The following EPM2A variants were observed in gnomAD, a reference collection of about 807,000 sequenced individuals.
EPM2A encodes the protein EPM2A glucan phosphatase, laforin, also known as laforin.
Under a neutral mutation model 26.5 loss-of-function variants are expected in EPM2A, and 21 were observed. The observed-to-expected ratio is 0.79, with a 90% CI of 0.56 to 1.14. EPM2A has a LOEUF of 1.14. Ranked by LOEUF, EPM2A falls within the 50% of genes most tolerant of loss-of-function variation. The pLI, the probability that EPM2A is intolerant of heterozygous loss-of-function variation, is 0.00. For synonymous variants in EPM2A, 217 were observed against 177.6 expected (o/e 1.22, Z -1.76); for missense variants, 458 against 440.8 (o/e 1.04, Z -0.35).
chr6:145,624,095 C>T (rs182985409), downstream of EPM2A, among the ~76,000 whole-genome samples: 38 of 152,184 alleles, frequency 2.5e-4, no homozygotes, highest in African/African-American at 7.9e-4. Context: ...CCCCTTTATT[C>T]TCAGTCTCAT....
chr6:145,541,304 G>GTGTGTGTATATACATATA (rs1289639047), intron 2 of EPM2A, among the ~76,000 whole-genome samples: 10 of 147,760 alleles, frequency 6.8e-5, no homozygotes, highest in African/African-American at 1.0e-4. Context: ...CAATTTGTGT[G>GTGTGTGTATATACATATA]TGTGTGTATA....
At chr6:145,491,958 A>G in intron 4 of EPM2A, 1 of 456,032 alleles carries the variant, frequency 2.2e-6, no homozygotes, top group Admixed American at 2.5e-5. Flanking sequence ...TGTGAGCCTT[A>G]AAATGGTGTC....
intron 4 of EPM2A, among the ~76,000 whole-genome samples, chr6:145,464,646 G>A (rs1315298611): frequency 6.6e-6 from 1 of 152,012 alleles, no homozygotes. Context: ...CCTATGAATT[G>A]TGGTAAATAA....
At chr6:145,391,127 G>A (rs1778331627) in intron 4 of EPM2A, among the ~76,000 whole-genome samples, 3 of 152,110 alleles carry the variant, frequency 2.0e-5, no homozygotes, top group Admixed American at 1.3e-4. Flanking sequence ...TAAAAACTGA[G>A]TGCCCAGCCA....
intron 4 of EPM2A, among the ~76,000 whole-genome samples, chr6:145,448,860 A>G (rs1441065865): frequency 2.6e-5 from 4 of 151,152 alleles, no homozygotes; most frequent in Admixed American, 2.0e-4. Flanking sequence ...CCTCTTTTTC[A>G]AAACATTCTC....
intron 2 of EPM2A, chr6:145,636,647 T>C (rs1025379430): frequency 2.0e-5 from 3 of 152,024 alleles, no homozygotes; most frequent in African/African-American, 7.3e-5. Flanking sequence ...AAAAAGAAGC[T>C]GGCGCAGTGG....
At position 145,419,179 on chromosome 6, in the gene EPM2A, GTCC is replaced by G. The variant is rs1241688858; in HGVS notation, c.556-35085_556-35083del. On this transcript the variant is annotated intron_variant, in intron 4 of 4. Coordinates refer to the EPM2A transcript ENST00000638717. Reference sequence around the variant, plus strand: ...ATTGCCCAAGCAAATTCTGTTAAATGTCCCCCCCCCCCGCTCCTTTCCCCAGCA... The same window carrying G: ...ATTGCCCAAGCAAATTCTGTTAAATGCCCCCCCCCGCTCCTTTCCCCAGCA... Among the ~76,000 whole-genome samples, 28 of 136,294 alleles carry G rather than the reference GTCC, an allele frequency of 2.1e-4. 2 individuals carry two copies. The highest frequency in any genetic ancestry group is 7.1e-4 in the African/African-American group (27 of 38,274). The allele number at this position is 136,294 out of a possible 152,430, so 89.4% of individuals were successfully genotyped here. A position where few individuals can be genotyped will look rare whatever the true frequency, so the allele number is the denominator to read the frequency against.
intron 1 of EPM2A, among the ~76,000 whole-genome samples, chr6:145,688,046 G>GT (rs1272628988): frequency 2.0e-5 from 3 of 151,932 alleles, no homozygotes; most frequent in Non-Finnish European, 4.4e-5. Context: ...AACCATATAA[G>GT]TTTTTTTTCA....
chr6:145,396,397 T>C (rs1176750111), intron 4 of EPM2A, among the ~76,000 whole-genome samples: 1 of 152,170 alleles, frequency 6.6e-6, no homozygotes, highest in East Asian at 1.9e-4. Context: ...AAAATTGTTC[T>C]TTAAACCCCC....
intron 1 of EPM2A, among the ~76,000 whole-genome samples, chr6:145,724,254 A>G (rs1216455945): frequency 6.6e-6 from 1 of 152,150 alleles, no homozygotes. Flanking sequence ...ACAAAAATCA[A>G]TAGATACAAA....
intron 2 of EPM2A, among the ~76,000 whole-genome samples, chr6:145,614,755 C>T (rs996702364): frequency 1.4e-4 from 21 of 152,132 alleles, no homozygotes; most frequent in Admixed American, 6.5e-5. Flanking sequence ...GTTCATGGCA[C>T]CCCAAAGCAA....
At chr6:145,706,860 A>G (rs1782251932) in intron 1 of EPM2A, among the ~76,000 whole-genome samples, 1 of 152,164 alleles carries the variant, frequency 6.6e-6, no homozygotes, top group African/African-American at 2.4e-5. Context: ...TCCAAAATTT[A>G]TGTTTAAACT....
chr6:145,414,179 C>T (rs761160662), intron 4 of EPM2A, among the ~76,000 whole-genome samples: 4 of 152,144 alleles, frequency 2.6e-5, no homozygotes, highest in Non-Finnish European at 5.9e-5. Context: ...ACAAGTACAG[C>T]CATTCCCAGT....
At chr6:145,676,530 G>T (rs767224973) in intron 2 of EPM2A, among the ~76,000 whole-genome samples, 5 of 151,912 alleles carry the variant, frequency 3.3e-5, no homozygotes, top group Non-Finnish European at 7.4e-5. Flanking sequence ...TAGGCTGCTA[G>T]CAAGACAAAT....
At chr6:145,544,116 A>C (rs1196914024) in intron 2 of EPM2A, among the ~76,000 whole-genome samples, 1 of 152,204 alleles carries the variant, frequency 6.6e-6, no homozygotes, top group African/African-American at 2.4e-5. Context: ...GCAGAGGAAA[A>C]TTCAGCAGGC....
At chr6:145,433,679 C>T (rs1041059049) in intron 4 of EPM2A, among the ~76,000 whole-genome samples, 1 of 152,110 alleles carries the variant, frequency 6.6e-6, no homozygotes, top group African/African-American at 2.4e-5. Flanking sequence ...TCCAGTGAAA[C>T]ATTGTATAAC....
intron 3 of EPM2A, among the ~76,000 whole-genome samples, chr6:145,633,266 T>C (rs1051022163): frequency 2.0e-5 from 3 of 152,164 alleles, no homozygotes; most frequent in Non-Finnish European, 4.4e-5. Flanking sequence ...TCAAATCAGA[T>C]TCAGAGATGC....
chr6:145,693,578 G>A (rs1781402858), intron 1 of EPM2A, among the ~76,000 whole-genome samples: 1 of 151,918 alleles, frequency 6.6e-6, no homozygotes, highest in Non-Finnish European at 1.5e-5. Flanking sequence ...TGGGTACAAT[G>A]TACACTATTC....
At chr6:145,646,713 C>G (rs1339375021) in intron 2 of EPM2A, among the ~76,000 whole-genome samples, 1 of 152,148 alleles carries the variant, frequency 6.6e-6, no homozygotes, top group African/African-American at 2.4e-5. Context: ...TTACTGTCAT[C>G]TATATGCTGG....
Sources: allele counts gnomAD v4.1 joint callset (sites outside exome capture counted in the v4.1 genomes callset), GRCh38; gene constraint gnomAD v4.1.1; transcripts MANE v1.5; gene names NCBI Gene and HGNC (gene_info 2026-07-23, HGNC 2026-07-21).